Variants in PDXDC1 observed in about 807,000 individuals in gnomAD.
PDXDC1 encodes pyridoxal-dependent decarboxylase domain-containing protein 1.
Under a neutral mutation model 100.1 loss-of-function variants are expected in PDXDC1, and 42 were observed. That is an observed-to-expected ratio of 0.42 (90% CI 0.33 to 0.54). PDXDC1 has a LOEUF of 0.54. Ranked by LOEUF, PDXDC1 falls within the 20% of genes least tolerant of loss-of-function variation. The probability of loss-of-function intolerance (pLI) is 0.10; values close to 1 mark genes in which losing one functional copy is unlikely to be tolerated. For synonymous variants in PDXDC1, 260 were observed against 371.7 expected, an observed-to-expected ratio of 0.70 and a Z score of 3.46; for missense variants, 636 against 979.2, an observed-to-expected ratio of 0.65 and a Z score of 4.68.
the PDXDC1 span, among the ~76,000 whole-genome samples, chr16:15,150,119 T>C: frequency 3.1e-3 from 461 of 149,532 alleles, 1 homozygote; most frequent in African/African-American, 0.011. Context: ...CTGAGGCGGG[T>C]GGATCACGAG....
At chr16:15,014,443 A>G (rs1209246444) in intron 8 of PDXDC1, among the ~76,000 whole-genome samples, 3 of 152,296 alleles carry the variant, frequency 2.0e-5, no homozygotes, top group Non-Finnish European at 4.4e-5. Flanking sequence ...GCCAAGAAAT[A>G]CGAAAAGAGA....
chr16:15,079,087 T>C (rs974997703), intron 16 of PDXDC1, among the ~76,000 whole-genome samples: 8 of 152,142 alleles, frequency 5.3e-5, no homozygotes, highest in African/African-American at 1.9e-4. Context: ...TGGGATTACA[T>C]GCGTGAGCCA....
chr16:15,055,878 G>A (rs1249398517), intron 16 of PDXDC1: 7 of 1,217,376 alleles, frequency 5.8e-6, no homozygotes, highest in Admixed American at 8.5e-5. Context: ...GCCCCGCGCC[G>A]CGCCCCACTC....
chr16:15,033,465 G>T, intron 19 of PDXDC1, 66 bp downstream of exon 19: 1 of 1,550,394 alleles, frequency 6.4e-7, no homozygotes, highest in Non-Finnish European at 8.9e-7. Context: ...CAGGGGCCAC[G>T]AGGAAAGCAG....
At chr16:14,984,493 A>T (rs1468079687) in intron 1 of PDXDC1, among the ~76,000 whole-genome samples, 1,357 of 83,214 alleles carry the variant, frequency 0.016, 11 homozygotes, top group African/African-American at 0.055. Context: ...ATATATATAT[A>T]TATTTTTTTT....
chr16:15,074,912 G>T (rs564785963), intron 16 of PDXDC1: 367 of 1,525,204 alleles, frequency 2.4e-4, no homozygotes, highest in Non-Finnish European at 3.1e-4. Context: ...ATGTCAAAGT[G>T]GTTTAGTAGG....
At chr16:15,086,201 C>G in intron 16 of PDXDC1, 2 of 1,587,806 alleles carry the variant, frequency 1.3e-6, no homozygotes, top group Non-Finnish European at 1.7e-6. Context: ...ACAAGATTAC[C>G]AAGAAAAGCC....
intron 19 of PDXDC1, 173 bp from the exon 20 acceptor site, chr16:15,034,113 C>T: frequency 1.6e-6 from 1 of 616,384 alleles, no homozygotes; most frequent in South Asian, 1.9e-5. Flanking sequence ...GCCTAGGCCT[C>T]TATGAGCATG....
At chr16:15,019,508 C>T (rs2042021238) in intron 12 of PDXDC1, among the ~76,000 whole-genome samples, 1 of 152,278 alleles carries the variant, frequency 6.6e-6, no homozygotes, top group Non-Finnish European at 1.5e-5. Flanking sequence ...TAACAAAATA[C>T]CTTAGAGTGG....
At chr16:15,079,379 G>A (rs980614280) in intron 16 of PDXDC1, among the ~76,000 whole-genome samples, 10 of 152,096 alleles carry the variant, frequency 6.6e-5, no homozygotes, top group Non-Finnish European at 1.0e-4. Context: ...AATCACTTCC[G>A]TAAGAATCCC....
At chr16:15,135,886 C>G in intron 16 of PDXDC1, 1 of 1,571,414 alleles carries the variant, frequency 6.4e-7, no homozygotes, top group Non-Finnish European at 8.7e-7. Flanking sequence ...AGCAGTAGTG[C>G]CCCACAGGCA....
chr16:15,116,431 G>C (rs1428441932), intron 16 of PDXDC1, among the ~76,000 whole-genome samples: 29 of 27,742 alleles, frequency 1.0e-3, no homozygotes, highest in African/African-American at 2.1e-3. Context: ...AGTGAGCCGA[G>C]ATCGCACCAC....
At chr16:15,033,423 A>G in intron 19 of PDXDC1, 24 bp downstream of exon 19, 1 of 1,610,414 alleles carries the variant, frequency 6.2e-7, no homozygotes, top group Non-Finnish European at 8.5e-7. Context: ...ATCAGTGTTC[A>G]TTCCTCTTCT....
Position 15,133,933 on chromosome 16 carries a change from G to A in PDXDC1, c.1400-4946G>A. The A allele has an allele frequency of 3.5e-6, 5 of 1,447,244 alleles. No individual in the cohort carries two copies. The South Asian group carries it at 5.9e-5, about 17-fold the overall frequency. 89.7% of individuals were successfully genotyped at this position (1,447,244 alleles called of 1,614,324 possible). On this transcript the variant is annotated intron_variant, in intron 16 of 16. Coordinates refer to the PDXDC1 transcript ENST00000535621. ...CCCTCCTCCTCGCCAGAGCGGCCCAGCACCGTCAGCGTGAAGGTGTATCCC... is the reference window on the plus strand; with the variant it reads ...CCCTCCTCCTCGCCAGAGCGGCCCAACACCGTCAGCGTGAAGGTGTATCCC...
At chr16:15,086,871 G>A (rs1168501754) in intron 16 of PDXDC1, among the ~76,000 whole-genome samples, 4 of 152,154 alleles carry the variant, frequency 2.6e-5, no homozygotes, top group African/African-American at 9.7e-5. Context: ...ATAAAACTCA[G>A]TCGAGGCTGA....
At chr16:15,095,287 G>C (rs2046314959) in intron 16 of PDXDC1, among the ~76,000 whole-genome samples, 1 of 152,242 alleles carries the variant, frequency 6.6e-6, no homozygotes, top group East Asian at 1.9e-4. Flanking sequence ...CCTACTCTCA[G>C]GGAGGGGAAA....
chr16:15,000,162 C>A (rs1210247328), intron 3 of PDXDC1, among the ~76,000 whole-genome samples: 1 of 152,292 alleles, frequency 6.6e-6, no homozygotes, highest in Non-Finnish European at 1.5e-5. Flanking sequence ...GGTTTAGTCT[C>A]CTAATTCCAC....
intron 16 of PDXDC1, among the ~76,000 whole-genome samples, chr16:15,124,433 T>TGC (rs2047592237): frequency 6.6e-6 from 1 of 152,098 alleles, no homozygotes; most frequent in Non-Finnish European, 1.5e-5. Flanking sequence ...AGAAAGCCAA[T>TGC]GCCTTTACCA....
intron 1 of PDXDC1, chr16:14,977,034 G>A (rs1167504744): frequency 6.6e-6 from 1 of 152,292 alleles, no homozygotes; most frequent in Non-Finnish European, 1.5e-5. Flanking sequence ...TTACTTTTCT[G>A]GCATTTGATC....
Sources: gnomAD v4.1 joint callset for allele counts (sites outside exome capture counted in the v4.1 genomes callset) on GRCh38, gnomAD v4.1.1 for gene constraint, MANE v1.5 for transcripts, NCBI Gene and HGNC (gene_info 2026-07-23, HGNC 2026-07-21) for gene names.